The following PUM1 variants were observed in gnomAD, a reference collection of about 807,000 sequenced individuals.
The protein encoded by PUM1 is pumilio homolog 1.
Under a neutral mutation model 131.8 loss-of-function variants are expected in PUM1, and 13 were observed. The ratio of observed to expected loss-of-function variants is 0.10; its 90% CI spans 0.06 to 0.16. The LOEUF (loss-of-function observed/expected upper bound fraction) is 0.16. PUM1 is among the 10% of genes least tolerant of loss of function. The pLI, the probability that PUM1 is intolerant of heterozygous loss-of-function variation, is 1.00. For missense variants in PUM1, 961 were observed against 1,512.4 expected (o/e 0.64, Z 6.05); for synonymous variants, 509 against 556.5 (o/e 0.91, Z 1.20).
intron 2 of PUM1, chr1:31,051,090 C>T (rs1644097346): frequency 1.3e-5 from 2 of 151,924 alleles, no homozygotes; most frequent in African/African-American, 4.8e-5. Flanking sequence ...CCAAGGCATC[C>T]ACCCCAATGA....
chr1:30,954,789 G>A (rs1001763077), intron 14 of PUM1, among the ~76,000 whole-genome samples: 4 of 152,050 alleles, frequency 2.6e-5, no homozygotes, highest in Admixed American at 1.3e-4. Flanking sequence ...CAGGCCAGGC[G>A]TGGTGGCTGA....
chr1:31,047,961 C>A (rs1203847648), intron 2 of PUM1, among the ~76,000 whole-genome samples: 1 of 150,082 alleles, frequency 6.7e-6, no homozygotes, highest in African/African-American at 2.5e-5. Context: ...TTTTAAAAGG[C>A]CGGACACAGT....
chr1:31,045,829 C>G (rs1257369163), intron 2 of PUM1, among the ~76,000 whole-genome samples: 2 of 152,060 alleles, frequency 1.3e-5, no homozygotes, highest in Admixed American at 6.6e-5. Flanking sequence ...CATCTGTAAT[C>G]CTGGCACTTT....
chr1:30,983,669 A>G (rs1641438963), intron 7 of PUM1, among the ~76,000 whole-genome samples: 1 of 151,772 alleles, frequency 6.6e-6, no homozygotes, highest in Non-Finnish European at 1.5e-5. Context: ...CAGTGACGTG[A>G]TCATGGCTCA....
chr1:31,026,944 CAAA>C lies in PUM1; in HGVS notation c.432+1849_432+1851del, dbSNP rs35459131. On this transcript the variant is annotated intron_variant, in intron 3 of 21. Transcript: ENST00000426105. ...CCCACGGAATTATATACATATACCA[CAAA>C]AAAAAAAAAAAAAAGGCGTTTCTGG... is the stretch of plus-strand genomic sequence containing the variant. Among the ~76,000 whole-genome samples, 323 of 106,514 alleles carry C rather than the reference CAAA, an allele frequency of 3.0e-3. 1 individual carries two copies. The highest frequency in any genetic ancestry group is 6.0e-3 in the African/African-American group (190 of 31,706). 69.9% of individuals were successfully genotyped at this position (106,514 alleles called of 152,430 possible).
chr1:31,006,031 T>A lies in PUM1; in HGVS notation c.542A>T (p.Asp181Val). Residue 181 changes from aspartate to valine, a missense_variant and splice_region_variant, in exon 5 of 22, where the codon GAT (aspartate) becomes GTT (valine). Transcript: ENST00000426105. ...QWRDSAWGTSDHSVSQPIMVQ... is the reference protein window; with the variant it reads ...QWRDSAWGTSVHSVSQPIMVQ... ...CATGATTGGCTGGGAAACTGAATGATCTACAAAAAAGATACACAAGCATGA... is the reference window on the plus strand; with the variant it reads ...CATGATTGGCTGGGAAACTGAATGAACTACAAAAAAGATACACAAGCATGA... 1 of 1,597,410 alleles carries A rather than the reference T, an allele frequency of 6.3e-7. No homozygotes were observed. Among genetic ancestry groups the A allele is most frequent in the Admixed American group, 1.8e-5 (1 of 56,258 alleles).
chr1:30,936,654 C>T lies in PUM1; in HGVS notation c.3424G>A (p.Val1142Ile), dbSNP rs772139393. 1.7e-5 allele frequency: 28 copies of T among 1,613,090 alleles called. 1 individual carries two copies. Among genetic ancestry groups the T allele is most frequent in the Middle Eastern group, 1.6e-4 (1 of 6,078 alleles). Residue 1142 changes from valine (V) to isoleucine (I), a missense_variant, in exon 21 of 22, where the codon GTC becomes ATC. By Grantham distance (29) the Val-to-Ile change is conservative. This residue lies in a region of PUM1 where 178 missense variants were observed against 327.5 expected (regional missense o/e 0.54). Transcript: ENST00000426105. ...DVAEPGQRKI[V>I]MHKIRPHIAT... The stretch of plus-strand genomic sequence containing the variant: ...CCAGCCCGGCCTACCTTATGCATGA[C>T]GATCTTCCGCTGGCCTGGCTCCGCC...
intron 21 of PUM1, among the ~76,000 whole-genome samples, chr1:30,933,647 A>T (rs1221771954): frequency 6.6e-6 from 1 of 152,152 alleles, no homozygotes; most frequent in East Asian, 1.9e-4. Flanking sequence ...CAACACATGG[A>T]GAAAGTGCAT....
At chr1:30,962,752 C>T (rs1002591325) in intron 14 of PUM1, among the ~76,000 whole-genome samples, 2 of 152,120 alleles carry the variant, frequency 1.3e-5, no homozygotes, top group Non-Finnish European at 2.9e-5. Flanking sequence ...AAGATAGCTA[C>T]GTATTCACTC....
chr1:31,060,504 A>T (rs1281688598), intron 1 of PUM1, among the ~76,000 whole-genome samples: 1 of 152,132 alleles, frequency 6.6e-6, no homozygotes, highest in Non-Finnish European at 1.5e-5. Context: ...CAGCTGGAGC[A>T]GACATATGCT....
intron 5 of PUM1, among the ~76,000 whole-genome samples, chr1:30,997,681 G>C (rs1159540087): frequency 1.3e-5 from 2 of 152,042 alleles, no homozygotes; most frequent in Non-Finnish European, 2.9e-5. Flanking sequence ...TCTACATGCT[G>C]ACTGGCCTGA....
Position 31,065,689 on chromosome 1 carries a change from C to T in PUM1, c.-85G>A, listed in dbSNP as rs1237150745. 5 of 1,549,644 alleles carry T rather than the reference C, an allele frequency of 3.2e-6. No individual in the cohort carries two copies. Among genetic ancestry groups the T allele is most frequent in the Non-Finnish European group, 3.5e-6 (4 of 1,146,790 alleles). On this transcript the variant is annotated 5_prime_UTR_variant, in exon 1 of 22. Transcript: ENST00000426105. ...CTCTGGCGCTCTCGCTCCCCCTTACCTTTCACTCCGACAACATGGCGGCCC... is the reference window on the plus strand; with the variant it reads ...CTCTGGCGCTCTCGCTCCCCCTTACTTTTCACTCCGACAACATGGCGGCCC...
At chr1:31,059,949 C>T (rs997284891) in intron 1 of PUM1, among the ~76,000 whole-genome samples, 12 of 151,682 alleles carry the variant, frequency 7.9e-5, no homozygotes, top group South Asian at 2.1e-4. Flanking sequence ...TAGACTCAAG[C>T]GACTCTCCTG....
chr1:30,972,692 T>A (rs1640967751), intron 10 of PUM1, among the ~76,000 whole-genome samples: 1 of 150,744 alleles, frequency 6.6e-6, no homozygotes, highest in Non-Finnish European at 1.5e-5. Flanking sequence ...AAGAATCACT[T>A]GAACCCAGGA....
At chr1:31,037,801 A>G (rs997172029) in intron 2 of PUM1, among the ~76,000 whole-genome samples, 3 of 152,178 alleles carry the variant, frequency 2.0e-5, no homozygotes, top group African/African-American at 4.8e-5. Context: ...CTGTAATCCC[A>G]GCACTTTGGG....
At chr1:30,938,046 A>G (rs939643314) in intron 20 of PUM1, among the ~76,000 whole-genome samples, 2 of 152,196 alleles carry the variant, frequency 1.3e-5, no homozygotes, top group African/African-American at 4.8e-5. Flanking sequence ...TGCTGGGATT[A>G]TAGGCATAAG....
chr1:30,992,529 A>G lies in PUM1; in HGVS notation c.1019T>C (p.Met340Thr). 10 of 1,614,246 alleles carry G rather than the reference A, an allele frequency of 6.2e-6. No homozygotes were observed. Among genetic ancestry groups the G allele is most frequent in the Non-Finnish European group, 8.5e-6 (10 of 1,180,034 alleles). ...GAKPVEDFSN[M>T]ESQSVPLDPM... ...GTCCAAGGGGACACTCTGGGACTCCATGTTGGAGAAATCCTCCACAGGCTT... is the reference window on the plus strand; with the variant it reads ...GTCCAAGGGGACACTCTGGGACTCCGTGTTGGAGAAATCCTCCACAGGCTT... The change falls in exon 7 of 22, where the codon ATG (methionine) becomes ACG (threonine). Residue 340 changes from methionine (M) to threonine (T), a missense_variant. Met to Thr is a moderately conservative substitution (Grantham distance 81). This residue lies in a region of PUM1 where 654 missense variants were observed against 923.9 expected (regional missense o/e 0.71). Coordinates refer to ENST00000426105, the MANE Select transcript of PUM1 (RefSeq NM_001020658.2).
chr1:30,976,261 C>T (rs1222050258), intron 9 of PUM1, among the ~76,000 whole-genome samples: 2 of 152,108 alleles, frequency 1.3e-5, no homozygotes, highest in East Asian at 1.9e-4. Context: ...AATTCTATGA[C>T]GAAGCTGGTA....
intron 14 of PUM1, among the ~76,000 whole-genome samples, chr1:30,955,581 C>A (rs1640129725): frequency 6.6e-6 from 1 of 152,050 alleles, no homozygotes; most frequent in South Asian, 2.1e-4. Context: ...GGGTTGTTTC[C>A]CCCACCTCCT....
Sources: allele counts gnomAD v4.1 joint callset (sites outside exome capture counted in the v4.1 genomes callset), GRCh38; gene constraint gnomAD v4.1.1; regional missense constraint gnomAD v4.1.1; transcripts MANE v1.5; gene names NCBI Gene and HGNC (gene_info 2026-07-23, HGNC 2026-07-21).